Variants in ADAMTS17 observed in about 807,000 individuals in gnomAD.
ADAMTS17 encodes the protein ADAM metallopeptidase with thrombospondin type 1 motif 17.
Under a neutral mutation model 141.5 loss-of-function variants are expected in ADAMTS17, and 113 were observed. The ratio of observed to expected loss-of-function variants is 0.80; its 90% CI spans 0.69 to 0.93. ADAMTS17 has a LOEUF of 0.93. Among genes scored for constraint, ADAMTS17 ranks in the 40% least tolerant of loss-of-function variants. ADAMTS17 has a pLI of 0.00. For missense variants in ADAMTS17, 1,659 were observed against 1,517.9 expected (o/e 1.09, Z -1.54); for synonymous variants, 768 against 630.6 (o/e 1.22, Z -3.27).
chr15:100,236,330 TA>T (rs1304483415), intron 7 of ADAMTS17, among the ~76,000 whole-genome samples: 1 of 126,442 alleles, frequency 7.9e-6, no homozygotes, highest in Non-Finnish European at 1.6e-5. Context: ...CCAGCCACAA[TA>T]AGGCAGGGCT....
chr15:100,097,869 G>A (rs570329493), intron 14 of ADAMTS17, among the ~76,000 whole-genome samples: 9 of 152,242 alleles, frequency 5.9e-5, no homozygotes, highest in Admixed American at 2.6e-4. Flanking sequence ...TCTCATCCTC[G>A]GAGCCTTTTA....
At chr15:100,052,835 A>G (rs925916833) in intron 16 of ADAMTS17, among the ~76,000 whole-genome samples, 3 of 152,238 alleles carry the variant, frequency 2.0e-5, no homozygotes, top group Admixed American at 1.3e-4. Context: ...GCAGATTTCT[A>G]CATGGTTTGG....
At chr15:100,109,877 C>T (rs534067509) in intron 13 of ADAMTS17, among the ~76,000 whole-genome samples, 6 of 152,212 alleles carry the variant, frequency 3.9e-5, no homozygotes, top group South Asian at 2.1e-4. Context: ...TCTTCCCTCA[C>T]GCCAGCTCTG....
At chr15:100,322,426 A>G (rs562111580) in intron 3 of ADAMTS17, among the ~76,000 whole-genome samples, 2 of 152,360 alleles carry the variant, frequency 1.3e-5, no homozygotes, top group African/African-American at 4.8e-5. Flanking sequence ...CCAAGATACA[A>G]ATTCTGCAGT....
chr15:100,054,026 G>C lies in ADAMTS17; in HGVS notation c.2166C>G (p.Ile722Met), dbSNP rs1276216701. Reference sequence around the variant, plus strand: ...GGAGCTCTATCTTCCAGTCACTGTTGATGGACCCCTTACCCGAGTCTTTGA... The same window carrying C: ...GGAGCTCTATCTTCCAGTCACTGTTCATGGACCCCTTACCCGAGTCTTTGA... Reference protein sequence around the residue: ...TALKDSGKGSINSDWKIELPG... With the variant: ...TALKDSGKGSMNSDWKIELPG... The change falls in exon 16 of 22, where the codon ATC (isoleucine) becomes ATG (methionine). Residue 722 changes from isoleucine (I) to methionine (M), a missense_variant. Coordinates refer to ENST00000268070, the MANE Select transcript of ADAMTS17 (RefSeq NM_139057.4). 3 of 1,614,078 alleles carry C rather than the reference G, an allele frequency of 1.9e-6. No homozygotes were observed. Among genetic ancestry groups the C allele is most frequent in the Non-Finnish European group, 8.5e-7 (1 of 1,180,032 alleles).
chr15:99,977,396 ATATAATTTTTTTTTTT>A lies in ADAMTS17; in HGVS notation c.2950-1190_2950-1175del, dbSNP rs2060381351. ...TATATATATATATATATATATATAT[ATATAATTTTTTTTTTT>A]TTTTTTTTTTTTTTTTTGAGATGGA... On this transcript the variant is annotated intron_variant, in intron 20 of 21. Transcript: ENST00000268070. Among the ~76,000 whole-genome samples, 9 of 4,866 alleles carry A rather than the reference ATATAATTTTTTTTTTT, an allele frequency of 1.8e-3. 2 individuals carry two copies. Among genetic ancestry groups the A allele is most frequent in the African/African-American group, 5.6e-3 (9 of 1,594 alleles). 3.2% of individuals were successfully genotyped at this position (4,866 alleles called of 152,430 possible). A position where few individuals can be genotyped will look rare whatever the true frequency, so the allele number is the denominator to read the frequency against.
intron 7 of ADAMTS17, among the ~76,000 whole-genome samples, chr15:100,203,921 A>G (rs908198927): frequency 4.6e-5 from 7 of 151,968 alleles, no homozygotes; most frequent in Admixed American, 2.0e-4. Context: ...GAAGGGGTGT[A>G]ATGAATTCTT....
intron 18 of ADAMTS17, among the ~76,000 whole-genome samples, chr15:100,005,576 G>A (rs1353307372): frequency 6.6e-6 from 1 of 152,026 alleles, no homozygotes; most frequent in Non-Finnish European, 1.5e-5. Flanking sequence ...CTCCTACCTG[G>A]AAGGACCCTT....
At chr15:100,019,497 G>A (rs1279982003) in intron 18 of ADAMTS17, among the ~76,000 whole-genome samples, 1 of 152,158 alleles carries the variant, frequency 6.6e-6, no homozygotes, top group African/African-American at 2.4e-5. Context: ...AGAAGCTATA[G>A]TCAGGCTGGT....
chr15:100,262,875 A>G (rs1360578046), intron 4 of ADAMTS17, among the ~76,000 whole-genome samples: 2 of 152,272 alleles, frequency 1.3e-5, no homozygotes, highest in East Asian at 3.9e-4. Context: ...CAAAAAATAC[A>G]TACGTGAGAA....
At chr15:99,980,844 G>T (rs906634059) in intron 20 of ADAMTS17, 1 of 152,246 alleles carries the variant, frequency 6.6e-6, no homozygotes, top group African/African-American at 2.4e-5. Context: ...CCTTGCAGAC[G>T]TGTCCCCTCT....
chr15:100,010,527 G>A (rs1213493162), intron 18 of ADAMTS17, among the ~76,000 whole-genome samples: 1 of 152,202 alleles, frequency 6.6e-6, no homozygotes, highest in Non-Finnish European at 1.5e-5. Context: ...ATGGGTGAGA[G>A]GCTGTGGCAG....
chr15:100,064,742 G>A (rs1456041064), intron 15 of ADAMTS17, among the ~76,000 whole-genome samples: 1 of 152,226 alleles, frequency 6.6e-6, no homozygotes, highest in African/African-American at 2.4e-5. Context: ...GACGGAAGCT[G>A]CCAGGGCAGA....
At chr15:100,047,831 C>T (rs747122333) in intron 18 of ADAMTS17, among the ~76,000 whole-genome samples, 11 of 152,188 alleles carry the variant, frequency 7.2e-5, no homozygotes, top group Non-Finnish European at 1.3e-4. Flanking sequence ...TCGATAGGTT[C>T]GTGGTACAGC....
intron 8 of ADAMTS17, among the ~76,000 whole-genome samples, chr15:100,183,975 A>G (rs2040614896): frequency 6.6e-6 from 1 of 152,082 alleles, no homozygotes; most frequent in Non-Finnish European, 1.5e-5. Context: ...CACCTCCTAT[A>G]GGGGGGTCAG....
At chr15:100,306,533 C>G (rs1479719031) in intron 3 of ADAMTS17, 2 of 455,960 alleles carry the variant, frequency 4.4e-6, no homozygotes, top group Non-Finnish European at 8.8e-6. Context: ...TCACTCCAGC[C>G]TCCAGATTTC....
intron 8 of ADAMTS17, among the ~76,000 whole-genome samples, chr15:100,157,772 G>A (rs139022768): frequency 8.5e-5 from 13 of 152,248 alleles, no homozygotes; most frequent in Non-Finnish European, 1.5e-4. Context: ...GTCACCTCTC[G>A]TTAGATTCAG....
At chr15:100,215,031 C>T (rs187977608) in intron 7 of ADAMTS17, among the ~76,000 whole-genome samples, 53 of 152,354 alleles carry the variant, frequency 3.5e-4, no homozygotes, top group Non-Finnish European at 1.6e-4. Flanking sequence ...CTAATTCCAA[C>T]CCTCTCAATA....
rs569576215 is a variant in ADAMTS17, at chr15:99,997,669, G to C, written c.2592-80C>G. 1 of 1,570,730 alleles carries C rather than the reference G, an allele frequency of 6.4e-7. No homozygotes were observed. The highest frequency in any genetic ancestry group is 8.7e-7 in the Non-Finnish European group (1 of 1,147,152). On this transcript the variant is annotated intron_variant, in intron 18 of 21. Coordinates refer to ENST00000268070, the MANE Select transcript of ADAMTS17 (RefSeq NM_139057.4). This position sits in a 1 kb window ranked among gnomAD's most constrained non-coding sequence, Gnocchi z 4.7. The stretch of plus-strand genomic sequence containing the variant: ...CGGAGGGCCTTCCGGCCGGATCCTG[G>C]AATTGCTGCCCTGTGGTGGGAGAGA...
Sources: allele counts gnomAD v4.1 joint callset (sites outside exome capture counted in the v4.1 genomes callset), GRCh38; gene constraint gnomAD v4.1.1; non-coding constraint Gnocchi (gnomAD v3.1); transcripts MANE v1.5; gene names NCBI Gene and HGNC (gene_info 2026-07-23, HGNC 2026-07-21).